The following STOX1 variants were observed in gnomAD, a reference collection of about 807,000 sequenced individuals.
STOX1 encodes the protein storkhead box 1, also known as storkhead-box protein 1.
Under a neutral mutation model 74.8 loss-of-function variants are expected in STOX1, and 57 were observed. The ratio of observed to expected loss-of-function variants is 0.76; its 90% CI spans 0.62 to 0.95. The LOEUF is 0.95. Ranked by LOEUF, STOX1 falls within the 40% of genes least tolerant of loss-of-function variation. The pLI is 0.00. For synonymous variants in STOX1, 375 were observed against 401.3 expected (o/e 0.93, Z 0.78); for missense variants, 1,010 against 1,117.0 (o/e 0.90, Z 1.37).
chr10:68,865,713 G>A (rs909094607), intron 1 of STOX1, among the ~76,000 whole-genome samples: 9 of 152,192 alleles, frequency 5.9e-5, no homozygotes, highest in African/African-American at 2.2e-4. Flanking sequence ...AGTCCTGGCT[G>A]TAATGCCCCC....
chr10:68,859,817 C>T (rs1840215376), intron 1 of STOX1, among the ~76,000 whole-genome samples: 1 of 151,850 alleles, frequency 6.6e-6, no homozygotes, highest in Non-Finnish European at 1.5e-5. Context: ...GAGACTTGGG[C>T]CTTTGATTTC....
At chr10:68,858,121 A>C (rs1428529832) in intron 1 of STOX1, among the ~76,000 whole-genome samples, 1 of 152,120 alleles carries the variant, frequency 6.6e-6, no homozygotes, top group Non-Finnish European at 1.5e-5. Flanking sequence ...AAAGCCAGAT[A>C]GCCTGTGCAG....
At chr10:68,850,076 G>C (rs755396748) in intron 1 of STOX1, among the ~76,000 whole-genome samples, 1 of 152,128 alleles carries the variant, frequency 6.6e-6, no homozygotes, top group Non-Finnish European at 1.5e-5. Flanking sequence ...GTCCAGTGGT[G>C]TGAGCTCGGC....
chr10:68,888,721 A>G (rs1841026490), intron 3 of STOX1, among the ~76,000 whole-genome samples: 1 of 138,756 alleles, frequency 7.2e-6, no homozygotes, highest in African/African-American at 2.8e-5. Context: ...TGCAGCTTCA[A>G]CCTCCCTGGG....
intron 1 of STOX1, among the ~76,000 whole-genome samples, chr10:68,852,605 A>G (rs1021902617): frequency 1.4e-4 from 21 of 150,500 alleles, no homozygotes; most frequent in African/African-American, 3.7e-4. Context: ...TTTCTCCAAG[A>G]CAGGGTCTCA....
At chr10:68,876,293 G>T (rs1840676173) in intron 1 of STOX1, among the ~76,000 whole-genome samples, 1 of 151,854 alleles carries the variant, frequency 6.6e-6, no homozygotes, top group African/African-American at 2.4e-5. Context: ...GAGTAGCTGG[G>T]ATTCAGACAT....
At chr10:68,873,132 G>A (rs890383122) in intron 1 of STOX1, among the ~76,000 whole-genome samples, 10 of 151,982 alleles carry the variant, frequency 6.6e-5, no homozygotes, top group Non-Finnish European at 1.5e-4. Flanking sequence ...AGCCTTGCCT[G>A]CCAAAATGTT....
At chr10:68,872,116 G>T (rs919941336) in intron 1 of STOX1, among the ~76,000 whole-genome samples, 1 of 151,984 alleles carries the variant, frequency 6.6e-6, no homozygotes, top group African/African-American at 2.4e-5. Flanking sequence ...CAATACAGGC[G>T]CCCAGAAAGA....
At chr10:68,841,899 G>T (rs1839700209) in intron 1 of STOX1, among the ~76,000 whole-genome samples, 1 of 152,176 alleles carries the variant, frequency 6.6e-6, no homozygotes, top group South Asian at 2.1e-4. Context: ...TGATCATCTT[G>T]TCCCATGAGC....
In STOX1 at chr10:68,885,082, G is replaced by A. The variant is rs772421834; in HGVS notation, c.1286G>A (p.Arg429Gln). 13 of 1,613,726 alleles carry A rather than the reference G, an allele frequency of 8.1e-6. No individual in the cohort carries two copies. Among genetic ancestry groups the A allele is most frequent in the South Asian group, 5.5e-5 (5 of 91,048 alleles). The change falls in exon 3 of 4, where the codon CGA becomes CAA. Residue 429 changes from arginine (R) to glutamine (Q), a missense_variant. Physicochemically the swap from Arg to Gln is conservative, Grantham distance 43 (BLOSUM62 1). Coordinates refer to ENST00000298596, the MANE Select transcript of STOX1 (RefSeq NM_152709.5). The stretch of plus-strand genomic sequence containing the variant: ...AAACCTCAAGGGCAGGGCCATTCTC[G>A]AAGGGATAGACACAAAGCCAGGAAT... The part of the protein sequence containing the change: ...SAKPQGQGHS[R>Q]RDRHKARNQG...
At chr10:68,854,993 C>T (rs1434679281) in intron 1 of STOX1, among the ~76,000 whole-genome samples, 1 of 152,040 alleles carries the variant, frequency 6.6e-6, no homozygotes, top group East Asian at 1.9e-4. Flanking sequence ...GTCCCAGGTA[C>T]TGGAGATGCA....
chr10:68,858,666 C>T (rs17470053), intron 1 of STOX1, among the ~76,000 whole-genome samples: 1 of 151,954 alleles, frequency 6.6e-6, no homozygotes, highest in African/African-American at 2.4e-5. Context: ...CAGATTGGGA[C>T]ACGAGCGGTT....
chr10:68,877,525 C>T (rs907640327), intron 1 of STOX1, among the ~76,000 whole-genome samples: 2 of 152,144 alleles, frequency 1.3e-5, no homozygotes, highest in African/African-American at 4.8e-5. Flanking sequence ...TCTCTCCCAG[C>T]CCCATGAAAA....
rs569443220 is a variant in STOX1, at chr10:68,885,672, T to C, written c.1876T>C (p.Ser626Pro). The change falls in exon 3 of 4, where the codon TCC (serine) becomes CCC (proline). Residue 626 changes from serine to proline, a missense_variant. Transcript: ENST00000298596. ...VIPEVLRKSH[S>P]HFDKLGETKQ... ...TCCTGAAGTCTTGAGGAAAAGTCATTCCCACTTTGACAAATTAGGGGAGAC... is the reference window on the plus strand; with the variant it reads ...TCCTGAAGTCTTGAGGAAAAGTCATCCCCACTTTGACAAATTAGGGGAGAC... 4.3e-6 allele frequency: 7 copies of C among 1,613,980 alleles called. No individual in the cohort carries two copies. Among genetic ancestry groups the C allele is most frequent in the Admixed American group, 1.7e-5 (1 of 59,982 alleles).
intron 1 of STOX1, among the ~76,000 whole-genome samples, chr10:68,848,546 CAG>C (rs1839907527): frequency 6.6e-6 from 1 of 152,176 alleles, no homozygotes; most frequent in Admixed American, 6.5e-5. Flanking sequence ...ATCTGTGAAA[CAG>C]ATGATAATAC....
chr10:68,894,893 A>G (rs920259373), downstream of STOX1, among the ~76,000 whole-genome samples: 2 of 151,938 alleles, frequency 1.3e-5, no homozygotes, highest in African/African-American at 2.4e-5. Context: ...GCTTGTCTTA[A>G]TTTTATTTTT....
chr10:68,841,978 A>C (rs904714708), intron 1 of STOX1, among the ~76,000 whole-genome samples: 1 of 151,758 alleles, frequency 6.6e-6, no homozygotes, highest in African/African-American at 2.4e-5. Flanking sequence ...TCACAGTAAA[A>C]ACTACCCACG....
chr10:68,861,654 A>G (rs1409123166), intron 1 of STOX1, among the ~76,000 whole-genome samples: 4 of 152,136 alleles, frequency 2.6e-5, no homozygotes, highest in Admixed American at 6.5e-5. Flanking sequence ...AGACTACACA[A>G]AGACAAACAA....
chr10:68,884,309 G>T lies in STOX1; in HGVS notation c.513G>T (p.Leu171=). Residue 171 remains leucine (L), a synonymous_variant, in exon 3 of 4, where the codon CTG becomes CTT. Transcript: ENST00000298596. ...EDILYTTLGT[L]IKERKIYHTG... The stretch of plus-strand genomic sequence containing the variant: ...TTCTTTATACCACTCTGGGAACGCT[G>T]ATTAAAGAAAGGAAGATTTATCACA... The T allele has an allele frequency of 1.2e-6, 2 of 1,614,136 alleles. No homozygotes were observed. Among genetic ancestry groups the T allele is most frequent in the South Asian group, 1.1e-5 (1 of 91,066 alleles).
Sources: allele counts gnomAD v4.1 joint callset (sites outside exome capture counted in the v4.1 genomes callset), GRCh38; gene constraint gnomAD v4.1.1; transcripts MANE v1.5; gene names NCBI Gene and HGNC (gene_info 2026-07-23, HGNC 2026-07-21).